MCTP2: variants seen among roughly 807,000 people sequenced by gnomAD.
MCTP2 encodes multiple C2 and transmembrane domain containing 2, also known as multiple C2 and transmembrane domain-containing protein 2.
MCTP2 carries 132 observed loss-of-function variants against 111.6 expected under a neutral mutation model. That is an observed-to-expected ratio of 1.18 (90% CI 1.03 to 1.37). The LOEUF is 1.37. Among genes scored for constraint, MCTP2 ranks in the 40% most tolerant of loss-of-function variants. The pLI is 0.00. For missense variants in MCTP2, 1,183 were observed against 1,067.9 expected (o/e 1.11, Z -1.50); for synonymous variants, 395 against 387.7 (o/e 1.02, Z -0.22).
At chr15:94,235,038 G>T (rs2070446465) in intron 1 of MCTP2, among the ~76,000 whole-genome samples, 1 of 152,146 alleles carries the variant, frequency 6.6e-6, no homozygotes, top group African/African-American at 2.4e-5. Flanking sequence ...GATCACCTGA[G>T]GTCAGGAGTT....
intron 1 of MCTP2, chr15:94,273,894 CA>C: frequency 4.2e-6 from 1 of 236,508 alleles, no homozygotes; most frequent in Non-Finnish European, 9.5e-6. Context: ...CTCACCAGGC[CA>C]AAACTGGACA....
At chr15:94,358,341 C>CT (rs755174942) in intron 9 of MCTP2, 141 bp from the exon 10 acceptor site, 10 of 698,316 alleles carry the variant, frequency 1.4e-5, no homozygotes, top group Admixed American at 3.3e-5. Context: ...CCCTTTCATT[C>CT]TAAAAAAAGA....
intron 1 of MCTP2, among the ~76,000 whole-genome samples, chr15:94,267,157 C>T (rs1400848826): frequency 6.6e-6 from 1 of 152,226 alleles, no homozygotes; most frequent in East Asian, 1.9e-4. Flanking sequence ...CTTGTCACCA[C>T]TGCCGCAATC....
At chr15:94,397,504 CTG>C (rs770140495) in intron 14 of MCTP2, among the ~76,000 whole-genome samples, 6 of 152,184 alleles carry the variant, frequency 3.9e-5, no homozygotes, top group Non-Finnish European at 5.9e-5. Context: ...TTAAGTGAGA[CTG>C]TGTATCAAGG....
At chr15:94,394,851 A>T (rs1250787792) in intron 14 of MCTP2, among the ~76,000 whole-genome samples, 1 of 152,174 alleles carries the variant, frequency 6.6e-6, no homozygotes, top group African/African-American at 2.4e-5. Flanking sequence ...TGGAATGAAT[A>T]TATATTGCTT....
At chr15:94,359,479 C>T (rs114152050) in intron 10 of MCTP2, among the ~76,000 whole-genome samples, 2,332 of 152,202 alleles carry the variant, frequency 0.015, 66 homozygotes, top group African/African-American at 0.052. Context: ...CCAACCACTA[C>T]GGGGTGTCTT....
At chr15:94,274,796 C>G (rs1182519900) in intron 1 of MCTP2, among the ~76,000 whole-genome samples, 4 of 152,082 alleles carry the variant, frequency 2.6e-5, no homozygotes, top group African/African-American at 7.2e-5. Context: ...AAAATGCCAC[C>G]AATTTTACAC....
chr15:94,435,629 C>CTTTTTTTTTTTTTTTTTTTTTTTTT lies in MCTP2; in HGVS notation c.2086-4527_2086-4526insTTTTTTTTTTTTTTTTTTTTTTTTT, dbSNP rs202170550. 5.3e-4 allele frequency among the ~76,000 whole-genome samples: 63 copies of CTTTTTTTTTTTTTTTTTTTTTTTTT among 117,922 alleles called. 1 individual carries two copies. The highest frequency in any genetic ancestry group is 4.8e-3 in the Middle Eastern group (1 of 208). 77.4% of individuals were successfully genotyped at this position (117,922 alleles called of 152,430 possible). ...CTAAAAAAGTTGTACTTTTTTTATT[C>CTTTTTTTTTTTTTTTTTTTTTTTTT]TTTTTTTTTTTTTTTTTTTTGAGAC... On this transcript the variant is annotated intron_variant, in intron 17 of 22. Coordinates refer to ENST00000357742, the MANE Select transcript of MCTP2 (RefSeq NM_001385001.1).
chr15:94,239,824 A>G (rs771744363), intron 1 of MCTP2, among the ~76,000 whole-genome samples: 1 of 152,174 alleles, frequency 6.6e-6, no homozygotes. Flanking sequence ...TATCTGATGA[A>G]TTGTTTTTAA....
intron 8 of MCTP2, among the ~76,000 whole-genome samples, chr15:94,354,243 G>T (rs1310043228): frequency 6.6e-6 from 1 of 152,134 alleles, no homozygotes; most frequent in Non-Finnish European, 1.5e-5. Context: ...CTATGTGTGT[G>T]TGTGTGTCTG....
chr15:94,412,535 A>T (rs1246257827), intron 17 of MCTP2, among the ~76,000 whole-genome samples: 1 of 152,154 alleles, frequency 6.6e-6, no homozygotes, highest in African/African-American at 2.4e-5. Context: ...GACAAGGATG[A>T]TGATGATGAT....
At position 94,402,016 on chromosome 15, in the gene MCTP2, C is replaced by T. The variant is rs200511099; in HGVS notation, c.2082C>T (p.Phe694=). The part of the protein sequence containing the change: ...WESTLRSTIA[F]AVFLITVWNF... ...CCACATTAAGAAGTACAATAGCATT[C>T]GCGGTAAGCTTCCTTTCTTATGTTC... The change falls in exon 17 of 23, where the codon TTC becomes TTT. Residue 694 remains phenylalanine (F), a synonymous_variant. Coordinates refer to ENST00000357742, the MANE Select transcript of MCTP2 (RefSeq NM_001385001.1). 17 of 1,609,138 alleles carry T rather than the reference C, an allele frequency of 1.1e-5. No individual in the cohort carries two copies. The East Asian group carries it at 2.2e-4, about 21-fold the overall frequency.
At chr15:94,272,114 G>A (rs1265392277) in intron 1 of MCTP2, among the ~76,000 whole-genome samples, 2 of 152,230 alleles carry the variant, frequency 1.3e-5, no homozygotes, top group Non-Finnish European at 2.9e-5. Flanking sequence ...AACTGTTTAA[G>A]AGATCCATCT....
rs534745841 is a variant in MCTP2 at position 94,453,339 on chromosome 15, G to T, written c.2251-4798G>T. On this transcript the variant is annotated intron_variant, in intron 19 of 22. Coordinates refer to ENST00000357742, the MANE Select transcript of MCTP2 (RefSeq NM_001385001.1). Reference sequence around the variant, plus strand: ...GAGTGACTAACATCCAGCTTTAAAGGAAAGCTTCTGCATGGTCCATAATAA... The same window carrying T: ...GAGTGACTAACATCCAGCTTTAAAGTAAAGCTTCTGCATGGTCCATAATAA... Among the ~76,000 whole-genome samples, 222 of 152,250 alleles carry T rather than the reference G, an allele frequency of 1.5e-3. 1 individual carries two copies. The highest frequency in any genetic ancestry group is 3.4e-3 in the Admixed American group (52 of 15,286).
chr15:94,231,506 GGGGGGCCCGAGGAAGTCC>G (rs968959035), upstream of MCTP2: 5 of 152,220 alleles, frequency 3.3e-5, no homozygotes, highest in African/African-American at 9.6e-5. Flanking sequence ...AAGGGCGGTG[GGGGGGCCCGAGGAAGTCC>G]GGGGGCCCTC....
At position 94,390,113 on chromosome 15, in the gene MCTP2, T is replaced by TATATATATATAC. The variant is rs1567603520; in HGVS notation, c.1788+4588_1788+4589insATATATATATAC. Among the ~76,000 whole-genome samples, 190 of 45,926 alleles carry TATATATATATAC rather than the reference T, an allele frequency of 4.1e-3. 3 individuals carry two copies. The highest frequency in any genetic ancestry group is 0.016 in the Middle Eastern group (1 of 64). 30.1% of individuals were successfully genotyped at this position (45,926 alleles called of 152,430 possible). On this transcript the variant is annotated intron_variant, in intron 14 of 22. Coordinates refer to ENST00000357742, the MANE Select transcript of MCTP2 (RefSeq NM_001385001.1). The stretch of plus-strand genomic sequence containing the variant: ...ATGTATATATATATATATATATATA[T>TATATATATATAC]GTATATATATATATATATACTTAGA...
At position 94,479,745 on chromosome 15, in the gene MCTP2, T is replaced by C. The variant is rs1386037686; in HGVS notation, c.*711T>C. On this transcript the variant is annotated 3_prime_UTR_variant, in exon 23 of 23. Coordinates refer to ENST00000357742, the MANE Select transcript of MCTP2 (RefSeq NM_001385001.1). ...AAAAATGAGGGTCCCATGAAAGTATTTGGTTGCCTTCTGATGCCACTTCTT... is the reference window on the plus strand; with the variant it reads ...AAAAATGAGGGTCCCATGAAAGTATCTGGTTGCCTTCTGATGCCACTTCTT... The C allele has an allele frequency of 1.3e-5, 2 of 152,188 alleles. No homozygotes were observed. Among genetic ancestry groups the C allele is most frequent in the East Asian group, 3.9e-4 (2 of 5,174 alleles). The allele number at this position is 152,188 out of a possible 1,614,324, so 9.4% of individuals were successfully genotyped here. A position where few individuals can be genotyped will look rare whatever the true frequency, so the allele number is the denominator to read the frequency against.
At chr15:94,319,078 A>G (rs1190144156) in intron 4 of MCTP2, among the ~76,000 whole-genome samples, 1 of 131,082 alleles carries the variant, frequency 7.6e-6, no homozygotes, top group Admixed American at 7.8e-5. Context: ...CTTTATTGTT[A>G]TCTGTTAAGA....
At position 94,392,706 on chromosome 15, in the gene MCTP2, C is replaced by T. The variant is rs138447093; in HGVS notation, c.1789-6255C>T. On this transcript the variant is annotated intron_variant, in intron 14 of 22. Transcript: ENST00000357742. ...TGGCATGCGCCTGTAATCCCAGCTA[C>T]TCAGGAGGCTGGGGCAGGAGAATCG... Among the ~76,000 whole-genome samples the T allele has an allele frequency of 1.2e-3, 185 of 152,128 alleles. No individual in the cohort carries two copies. In the East Asian group the frequency reaches 0.019, roughly 15 times the overall value.
Sources: gnomAD v4.1 joint callset for allele counts (sites outside exome capture counted in the v4.1 genomes callset) on GRCh38, gnomAD v4.1.1 for gene constraint, MANE v1.5 for transcripts, NCBI Gene and HGNC (gene_info 2026-07-23, HGNC 2026-07-21) for gene names.